The following RHBDF2 variants were observed in gnomAD, a reference collection of about 807,000 sequenced individuals.
RHBDF2 encodes the protein rhomboid 5 homolog 2, also known as inactive rhomboid protein 2.
Under a neutral mutation model 95.2 loss-of-function variants are expected in RHBDF2, and 38 were observed. That is an observed-to-expected ratio of 0.40 (90% CI 0.31 to 0.52). The LOEUF is 0.52. RHBDF2 is among the 20% of genes least tolerant of loss of function. The pLI, the probability that RHBDF2 is intolerant of heterozygous loss-of-function variation, is 0.56. For missense variants in RHBDF2, 863 were observed against 1,137.7 expected (o/e 0.76, Z 3.47); for synonymous variants, 442 against 462.0 (o/e 0.96, Z 0.55).
chr17:76,479,764 G>A lies in RHBDF2; in HGVS notation c.241C>T (p.Arg81Cys), dbSNP rs201193268. Residue 81 changes from arginine (R) to cysteine (C), a missense_variant, in exon 4 of 19, where the codon CGC (arginine) becomes TGC (cysteine). Coordinates refer to ENST00000675367, the MANE Select transcript of RHBDF2 (RefSeq NM_001005498.4). The part of the protein sequence containing the change: ...ESSEKRPGFR[R>C]QASLSQSIRK... ...ATGCTCTGGGACAGTGAGGCCTGGC[G>A]GCGGAAGCCAGGGCGCTTCTCTGAA... The A allele has an allele frequency of 5.0e-6, 8 of 1,612,332 alleles. No individual in the cohort carries two copies. Among genetic ancestry groups the A allele is most frequent in the South Asian group, 1.1e-5 (1 of 91,022 alleles).
At chr17:76,498,244 C>T (rs1018615936) in intron 1 of RHBDF2, among the ~76,000 whole-genome samples, 6 of 152,294 alleles carry the variant, frequency 3.9e-5, no homozygotes, top group East Asian at 1.9e-4. Context: ...CAGACGTCCC[C>T]GCCACTCCTC....
intron 18 of RHBDF2, 174 bp downstream of exon 18, chr17:76,472,512 C>T: frequency 3.8e-6 from 3 of 795,140 alleles, no homozygotes; most frequent in Non-Finnish European, 4.2e-6. Context: ...TCACTGTTCC[C>T]TCTCACTGGG....
chr17:76,473,818 C>T, intron 14 of RHBDF2, 21 bp downstream of exon 14: 4 of 1,613,914 alleles, frequency 2.5e-6, no homozygotes, highest in Non-Finnish European at 3.4e-6. Context: ...TCCCAGACCA[C>T]TCCCCGCCAG....
chr17:76,483,091 C>T (rs1465839676), intron 2 of RHBDF2, among the ~76,000 whole-genome samples: 1 of 151,372 alleles, frequency 6.6e-6, no homozygotes, highest in Non-Finnish European at 1.5e-5. Context: ...ATCACTTGAA[C>T]CCGAGAGGAA....
intron 7 of RHBDF2, 108 bp from the exon 8 acceptor site, chr17:76,477,406 A>G (rs539960373): frequency 8.8e-5 from 120 of 1,365,858 alleles, no homozygotes; most frequent in Admixed American, 1.0e-4. Flanking sequence ...GCTCTTCACA[A>G]TGAATTGGGA....
In RHBDF2 at chr17:76,472,818, A is replaced by G. The variant is rs2073629509; in HGVS notation, c.1932T>C (p.Ser644=). 1.3e-6 allele frequency: 2 copies of G among 1,598,718 alleles called. No individual in the cohort carries two copies. Among genetic ancestry groups the G allele is most frequent in the Non-Finnish European group, 1.7e-6 (2 of 1,172,588 alleles). ...TCAGGATGGTCATTTGAAAGACCAC[A>G]GACACGAGGCAGTGCACCACGCTGG... ...LHAGVVHCLV[S]VVFQMTILRD... is the part of the protein sequence containing the mutation. The change falls in exon 18 of 19, where the codon TCT becomes TCC. Residue 644 remains serine, a synonymous_variant. Coordinates refer to ENST00000675367, the MANE Select transcript of RHBDF2 (RefSeq NM_001005498.4).
At chr17:76,479,326 T>G in intron 4 of RHBDF2, 49 bp from the exon 5 acceptor site, 1 of 1,548,866 alleles carries the variant, frequency 6.5e-7, no homozygotes. Flanking sequence ...TCTACGCCTG[T>G]GCACCTGAGT....
At chr17:76,477,333 G>A (rs889887671) in intron 7 of RHBDF2, 35 bp from the exon 8 acceptor site, 1 of 1,603,048 alleles carries the variant, frequency 6.2e-7, no homozygotes, top group Non-Finnish European at 8.5e-7. Context: ...AGTGTAAGGA[G>A]TCTGTCCCAA....
chr17:76,492,055 T>G (rs2074315315), intron 1 of RHBDF2, among the ~76,000 whole-genome samples: 1 of 152,176 alleles, frequency 6.6e-6, no homozygotes, highest in Non-Finnish European at 1.5e-5. Flanking sequence ...CACTGCCACC[T>G]GCCCAGCCAG....
intron 1 of RHBDF2, among the ~76,000 whole-genome samples, chr17:76,498,866 CTGTT>C (rs748550514): frequency 5.5e-5 from 7 of 128,420 alleles, no homozygotes; most frequent in Non-Finnish European, 8.8e-5. Context: ...CTCTGTGTGT[CTGTT>C]TGTGTGTGTC....
At chr17:76,498,164 G>A (rs1207727625) in intron 1 of RHBDF2, among the ~76,000 whole-genome samples, 6 of 152,104 alleles carry the variant, frequency 3.9e-5, no homozygotes, top group African/African-American at 9.7e-5. Context: ...CTGTGAAGCC[G>A]CCCGTGCCCT....
At chr17:76,488,142 G>A (rs1379153330) in intron 1 of RHBDF2, 1 of 152,222 alleles carries the variant, frequency 6.6e-6, no homozygotes, top group Non-Finnish European at 1.5e-5. Flanking sequence ...CCTGATTGGA[G>A]CAGAACATTA....
At chr17:76,472,386 G>GATCTTAC in intron 18 of RHBDF2, 1 of 585,414 alleles carries the variant, frequency 1.7e-6, no homozygotes, top group Non-Finnish European at 3.1e-6. Flanking sequence ...GACTGCCGAC[G>GATCTTAC]GCGCACGGAG....
rs773584432 is a variant in RHBDF2, at chr17:76,472,772, C to T, written c.1978G>A (p.Gly660Ser). 10 of 1,611,788 alleles carry T rather than the reference C, an allele frequency of 6.2e-6. No homozygotes were observed. Among genetic ancestry groups the T allele is most frequent in the African/African-American group, 2.7e-5 (2 of 74,872 alleles). Residue 660 changes from glycine (G) to serine (S), a missense_variant, in exon 18 of 19, where the codon GGC becomes AGC. Gly to Ser is a moderately conservative substitution (Grantham distance 56). Transcript: ENST00000675367. Reference sequence around the variant, plus strand: ...AAGATGATGGCGATACGGTGCCAGCCGGCCAGCTTCTCCAGGTCCCTCAGG... The same window carrying T: ...AAGATGATGGCGATACGGTGCCAGCTGGCCAGCTTCTCCAGGTCCCTCAGG... ...TILRDLEKLA[G>S]WHRIAIIFIL... is the part of the protein sequence containing the mutation.
intron 1 of RHBDF2, among the ~76,000 whole-genome samples, chr17:76,494,579 C>T (rs2074388586): frequency 6.6e-6 from 1 of 152,164 alleles, no homozygotes; most frequent in Non-Finnish European, 1.5e-5. Context: ...TGGTGAAACC[C>T]CATCTCTACT....
intron 1 of RHBDF2, among the ~76,000 whole-genome samples, chr17:76,496,703 C>G (rs977544501): frequency 5.3e-5 from 8 of 152,182 alleles, no homozygotes; most frequent in Admixed American, 2.0e-4. Context: ...GGTTCAAAGT[C>G]CTGTTCCCAC....
At position 76,471,909 on chromosome 17, in the gene RHBDF2, C is replaced by T; in HGVS notation, c.2208G>A (p.Leu736=). Residue 736 remains leucine (L), a synonymous_variant, in exon 19 of 19, where the codon CTG becomes CTA. Transcript: ENST00000675367. ...TGTGGGCGATGTTGTCGATCCAGGGCAGGAGGCCACAGATGAACAGGAAGA... is the reference window on the plus strand; with the variant it reads ...TGTGGGCGATGTTGTCGATCCAGGGTAGGAGGCCACAGATGAACAGGAAGA... The part of the protein sequence containing the change: ...IVLFLFICGL[L]PWIDNIAHIF... 6.3e-7 allele frequency: 1 copy of T among 1,576,544 alleles called. No individual in the cohort carries two copies. The highest frequency in any genetic ancestry group is 8.6e-7 in the Non-Finnish European group (1 of 1,160,910).
At chr17:76,472,897 C>T (rs1429451226) in intron 17 of RHBDF2, 58 bp from the exon 18 acceptor site, 1 of 1,576,742 alleles carries the variant, frequency 6.3e-7, no homozygotes, top group Non-Finnish European at 8.6e-7. Context: ...GAGCAGTAGG[C>T]TTCGGCAGGT....
At chr17:76,472,256 G>A in intron 18 of RHBDF2, 1 of 612,132 alleles carries the variant, frequency 1.6e-6, no homozygotes, top group Non-Finnish European at 2.9e-6. Flanking sequence ...AGCGCCTACT[G>A]TGTACGTGCC....
Sources: allele counts gnomAD v4.1 joint callset (sites outside exome capture counted in the v4.1 genomes callset), GRCh38; gene constraint gnomAD v4.1.1; transcripts MANE v1.5; gene names NCBI Gene and HGNC (gene_info 2026-07-23, HGNC 2026-07-21).